Variants in PDE10A observed in about 807,000 individuals in gnomAD.
PDE10A encodes the protein cAMP and cAMP-inhibited cGMP 3',5'-cyclic phosphodiesterase 10A.
In PDE10A, 39 loss-of-function variants were observed where a neutral mutation model predicts 97.7. That is an observed-to-expected ratio of 0.40 (90% CI 0.31 to 0.52). PDE10A has a LOEUF of 0.52. Among genes scored for constraint, PDE10A ranks in the 20% least tolerant of loss-of-function variants. The pLI is 0.56. For missense variants in PDE10A, 731 were observed against 1,047.8 expected (o/e 0.70, Z 4.17); for synonymous variants, 371 against 376.8 (o/e 0.98, Z 0.18).
chr6:165,424,231 C>T (rs1274578641), intron 10 of PDE10A, among the ~76,000 whole-genome samples: 1 of 152,166 alleles, frequency 6.6e-6, no homozygotes, highest in Non-Finnish European at 1.5e-5. Flanking sequence ...TTTCAGGGCA[C>T]TGTTATGCTC....
At position 165,707,459 on chromosome 6, in the gene PDE10A, C is replaced by T. The variant is rs558097311; in HGVS notation, c.-614-163891G>A. ...GCCTCACCTCAAGGTGTTGAGAAAC[C>T]GCAGTTTTCATTTCACTGAATTTTG... On this transcript the variant is annotated intron_variant, in intron 1 of 19. Coordinates refer to the PDE10A transcript ENST00000366882. 2.4e-4 allele frequency among the ~76,000 whole-genome samples: 37 copies of T among 152,310 alleles called. 1 individual carries two copies. The highest frequency in any genetic ancestry group is 2.1e-3 in the Admixed American group (32 of 15,304).
chr6:165,384,132 T>C (rs1296012124), intron 17 of PDE10A, among the ~76,000 whole-genome samples: 25 of 152,200 alleles, frequency 1.6e-4, no homozygotes, highest in Middle Eastern at 3.4e-3. Flanking sequence ...TTCAGACATA[T>C]ACTTGGAGGA....
chr6:165,868,272 A>G (rs376956083), intron 1 of PDE10A, among the ~76,000 whole-genome samples: 1 of 152,104 alleles, frequency 6.6e-6, no homozygotes, highest in Admixed American at 6.5e-5. Context: ...ACTGCTAGCT[A>G]GACTAAGCAA....
chr6:165,357,485 C>G (rs1783097964), intron 18 of PDE10A, among the ~76,000 whole-genome samples: 1 of 152,084 alleles, frequency 6.6e-6, no homozygotes, highest in African/African-American at 2.4e-5. Context: ...AGCAACCCCA[C>G]ATGAAGCTGT....
chr6:165,842,562 T>C (rs1377660822), intron 1 of PDE10A, among the ~76,000 whole-genome samples: 2 of 152,256 alleles, frequency 1.3e-5, no homozygotes, highest in African/African-American at 4.8e-5. Context: ...TGGAAATTCA[T>C]CCAGGCCTCC....
chr6:165,549,247 C>A (rs111785801), intron 1 of PDE10A, among the ~76,000 whole-genome samples: 1,766 of 152,334 alleles, frequency 0.012, 38 homozygotes, highest in African/African-American at 0.04. Flanking sequence ...TTCTATCACA[C>A]AACAAACATA....
rs1781174619 is a variant in PDE10A at position 165,328,653 on chromosome 6, A to G, written c.*4372T>C. On this transcript the variant is annotated 3_prime_UTR_variant, in exon 22 of 22. Transcript: ENST00000539869. ...GAGAAGAGAAACATCAAGTGAGGAC[A>G]GCATTGCTTCTTCGGATGTTAAATG... The G allele has an allele frequency of 6.6e-6, 1 of 152,272 alleles. No homozygotes were observed. Among genetic ancestry groups the G allele is most frequent in the Non-Finnish European group, 1.5e-5 (1 of 68,052 alleles). 9.4% of individuals were successfully genotyped at this position (152,272 alleles called of 1,614,324 possible).
At chr6:165,589,501 A>G (rs1476527577) in intron 1 of PDE10A, among the ~76,000 whole-genome samples, 1 of 152,200 alleles carries the variant, frequency 6.6e-6, no homozygotes, top group Non-Finnish European at 1.5e-5. Context: ...GAACACTAGA[A>G]CCTTTTTTTA....
At chr6:165,480,553 C>T (rs1163188469) in intron 3 of PDE10A, among the ~76,000 whole-genome samples, 1 of 151,754 alleles carries the variant, frequency 6.6e-6, no homozygotes, top group Non-Finnish European at 1.5e-5. Flanking sequence ...CACTGTACTT[C>T]AGCCTGGGTG....
intron 18 of PDE10A, among the ~76,000 whole-genome samples, chr6:165,345,634 C>T (rs554509393): frequency 1.3e-4 from 20 of 152,268 alleles, no homozygotes; most frequent in South Asian, 4.1e-4. Context: ...ATAACCTAGT[C>T]GCTAAAAACA....
chr6:165,873,097 C>T (rs1781246392), intron 1 of PDE10A, among the ~76,000 whole-genome samples: 1 of 152,168 alleles, frequency 6.6e-6, no homozygotes, highest in South Asian at 2.1e-4. Context: ...AGCCTCCTGG[C>T]AGGGGAAGCC....
intron 1 of PDE10A, among the ~76,000 whole-genome samples, chr6:165,690,527 T>C (rs998600629): frequency 2.0e-4 from 30 of 152,170 alleles, no homozygotes; most frequent in Non-Finnish European, 3.7e-4. Flanking sequence ...GCCCCTCCCT[T>C]GCTCAAAACC....
chr6:165,457,412 C>G (rs142985758), intron 3 of PDE10A, among the ~76,000 whole-genome samples: 1 of 152,110 alleles, frequency 6.6e-6, no homozygotes, highest in Admixed American at 6.6e-5. Context: ...TTCTGTTCCA[C>G]GCTGATTTCA....
chr6:165,531,325 T>C (rs948591180), intron 2 of PDE10A, among the ~76,000 whole-genome samples: 6 of 151,458 alleles, frequency 4.0e-5, no homozygotes, highest in African/African-American at 1.5e-4. Flanking sequence ...ACGCACATAC[T>C]AGATATTTGG....
intron 1 of PDE10A, among the ~76,000 whole-genome samples, chr6:165,984,865 G>A (rs1054848745): frequency 1.6e-4 from 24 of 152,180 alleles, no homozygotes; most frequent in Non-Finnish European, 2.6e-4. Context: ...TGCCCTTTCC[G>A]GGCATGGCCG....
chr6:165,481,075 A>G (rs1779580642), intron 3 of PDE10A, among the ~76,000 whole-genome samples: 1 of 152,294 alleles, frequency 6.6e-6, no homozygotes, highest in African/African-American at 2.4e-5. Context: ...GGTATTGTCA[A>G]TGACACTGTC....
At chr6:165,619,409 C>CTAGCG (rs1787952097) in intron 1 of PDE10A, among the ~76,000 whole-genome samples, 2 of 7,312 alleles carry the variant, frequency 2.7e-4, no homozygotes, top group Admixed American at 2.4e-3. Context: ...GTAGTGTAGT[C>CTAGCG]TAGTGTAGTG....
chr6:165,936,839 C>A (rs1019127646), intron 1 of PDE10A, among the ~76,000 whole-genome samples: 4 of 152,326 alleles, frequency 2.6e-5, no homozygotes, highest in Admixed American at 6.5e-5. Flanking sequence ...TAGTGTGAAT[C>A]ATCGCCACTC....
chr6:165,584,419 C>T (rs943178386), intron 1 of PDE10A, among the ~76,000 whole-genome samples: 3 of 152,132 alleles, frequency 2.0e-5, no homozygotes, highest in Non-Finnish European at 4.4e-5. Flanking sequence ...CCCCAGCCAA[C>T]AGGCCCATAA....
Sources: gnomAD v4.1 joint callset for allele counts (sites outside exome capture counted in the v4.1 genomes callset) on GRCh38, gnomAD v4.1.1 for gene constraint, MANE v1.5 for transcripts, NCBI Gene and HGNC (gene_info 2026-07-23, HGNC 2026-07-21) for gene names.